The following NUAK1 variants were observed in gnomAD, a reference collection of about 807,000 sequenced individuals.
NUAK1 encodes NUAK family kinase 1.
NUAK1 carries 26 observed loss-of-function variants against 56.9 expected under a neutral mutation model. That is an observed-to-expected ratio of 0.46 (90% CI 0.33 to 0.63). The LOEUF is 0.63. Among genes scored for constraint, NUAK1 ranks in the 30% least tolerant of loss-of-function variants. The pLI, the probability that NUAK1 is intolerant of heterozygous loss-of-function variation, is 0.02. For synonymous variants in NUAK1, 337 were observed against 336.0 expected (o/e 1.00, Z -0.03); for missense variants, 727 against 876.1 (o/e 0.83, Z 2.15).
At chr12:106,068,002 T>G in intron 6 of NUAK1, 47 bp from the exon 7 acceptor site, 2 of 1,547,332 alleles carry the variant, frequency 1.3e-6, no homozygotes, top group Non-Finnish European at 1.7e-6. Flanking sequence ...TGGGAGCTTC[T>G]GGCTTTGTGA....
At chr12:106,111,902 T>TA (rs35552828) in intron 1 of NUAK1, among the ~76,000 whole-genome samples, 11,689 of 123,262 alleles carry the variant, frequency 0.095, 584 homozygotes, top group African/African-American at 0.12. Flanking sequence ...ACATAGCCTG[T>TA]AAAAAAAAAA....
intron 1 of NUAK1, among the ~76,000 whole-genome samples, chr12:106,136,873 T>G (rs2033134325): frequency 6.6e-6 from 1 of 152,220 alleles, no homozygotes; most frequent in Non-Finnish European, 1.5e-5. Flanking sequence ...CAGCCTCTTC[T>G]TCCACAAACC....
chr12:106,078,306 TAAATTCTCACAAC>T (rs983090832), intron 4 of NUAK1, among the ~76,000 whole-genome samples: 2 of 152,228 alleles, frequency 1.3e-5, no homozygotes, highest in African/African-American at 4.8e-5. Flanking sequence ...ATTGATGTAG[TAAATTCTCACAAC>T]AACCCTATCT....
intron 5 of NUAK1, among the ~76,000 whole-genome samples, chr12:106,071,142 G>T (rs939466405): frequency 5.3e-5 from 8 of 152,208 alleles, no homozygotes; most frequent in African/African-American, 1.9e-4. Context: ...AACTAGTAAA[G>T]AACTTTCTTA....
chr12:106,128,512 G>T (rs1435560478), intron 1 of NUAK1, among the ~76,000 whole-genome samples: 2 of 152,212 alleles, frequency 1.3e-5, no homozygotes, highest in Non-Finnish European at 2.9e-5. Context: ...ACCTCTGGCA[G>T]TTGGGGTGAA....
At chr12:106,076,571 C>T (rs572001040) in intron 4 of NUAK1, among the ~76,000 whole-genome samples, 2 of 152,284 alleles carry the variant, frequency 1.3e-5, no homozygotes, top group East Asian at 1.9e-4. Flanking sequence ...ACTCAAGGCT[C>T]GGGTCCTTAA....
intron 1 of NUAK1, among the ~76,000 whole-genome samples, chr12:106,117,180 C>A (rs2032926464): frequency 1.3e-5 from 2 of 152,170 alleles, no homozygotes; most frequent in Non-Finnish European, 2.9e-5. Flanking sequence ...GATACTTCAC[C>A]CTCTCCCATG....
At chr12:106,108,377 A>G (rs1385111443) in intron 1 of NUAK1, among the ~76,000 whole-genome samples, 2 of 152,194 alleles carry the variant, frequency 1.3e-5, no homozygotes, top group African/African-American at 4.8e-5. Flanking sequence ...GCTGGATAGA[A>G]GGAGGCTGCA....
intron 1 of NUAK1, among the ~76,000 whole-genome samples, chr12:106,119,903 G>A (rs1022062160): frequency 1.3e-5 from 2 of 152,154 alleles, no homozygotes; most frequent in Non-Finnish European, 1.5e-5. Flanking sequence ...TGTGCATCCC[G>A]ATGAGAAAGA....
chr12:106,063,435 C>T lies in NUAK1; in HGVS notation c.*3367G>A, dbSNP rs1334463434. The T allele has an allele frequency of 6.6e-6, 1 of 152,410 alleles. No homozygotes were observed. 9.4% of individuals were successfully genotyped at this position (152,410 alleles called of 1,614,324 possible). A position where few individuals can be genotyped will look rare whatever the true frequency, so the allele number is the denominator to read the frequency against. The stretch of plus-strand genomic sequence containing the variant: ...AATCAGTTTCCAACGAAAATACAAA[C>T]ACTTTGGGTGGTTATCCAGCTTGTT... On this transcript the variant is annotated 3_prime_UTR_variant, in exon 7 of 7. Transcript: ENST00000261402.
Position 106,110,494 on chromosome 12 carries a change from ACCT to A in NUAK1, c.241-3972_241-3970del, listed in dbSNP as rs143382467. Among the ~76,000 whole-genome samples, 1,318 of 152,050 alleles carry A rather than the reference ACCT, an allele frequency of 8.7e-3. 18 individuals carry two copies. The highest frequency in any genetic ancestry group is 0.03 in the African/African-American group (1,263 of 41,462). ...AGACATGCCCGGCATTGCGGAGGAA[ACCT>A]CCTCTCCAGTTTTCCTCAATTCTCA... On this transcript the variant is annotated intron_variant, in intron 1 of 6. Coordinates refer to ENST00000261402, the MANE Select transcript of NUAK1 (RefSeq NM_014840.3).
intron 4 of NUAK1, among the ~76,000 whole-genome samples, chr12:106,077,219 T>C (rs906793093): frequency 6.6e-6 from 1 of 152,232 alleles, no homozygotes; most frequent in African/African-American, 2.4e-5. Context: ...CAGGAGAACC[T>C]GGGGCTAATC....
intron 4 of NUAK1, among the ~76,000 whole-genome samples, chr12:106,075,333 A>C (rs1432543106): frequency 6.6e-6 from 1 of 151,804 alleles, no homozygotes; most frequent in African/African-American, 2.4e-5. Context: ...AGAGAGAGAG[A>C]GCGTTCTCAG....
At chr12:106,114,188 C>G (rs1452129978) in intron 1 of NUAK1, among the ~76,000 whole-genome samples, 2 of 152,182 alleles carry the variant, frequency 1.3e-5, no homozygotes, top group Non-Finnish European at 2.9e-5. Context: ...AGCATCTGAT[C>G]ACTCTGACAC....
chr12:106,119,971 C>T (rs984442846), intron 1 of NUAK1, among the ~76,000 whole-genome samples: 1 of 134,600 alleles, frequency 7.4e-6, no homozygotes, highest in Non-Finnish European at 1.7e-5. Flanking sequence ...GGGTGAGCTT[C>T]AATTATCTGG....
At chr12:106,121,282 T>C (rs1225685434) in intron 1 of NUAK1, among the ~76,000 whole-genome samples, 1 of 152,180 alleles carries the variant, frequency 6.6e-6, no homozygotes, top group Non-Finnish European at 1.5e-5. Context: ...CGGTACAAGA[T>C]AATGTATGTA....
In NUAK1 at chr12:106,138,623, C is replaced by T. The variant is rs2033153933; in HGVS notation, c.31G>A (p.Asp11Asn). The part of the protein sequence containing the change: MEGAAAPVAG[D>N]RPDLGLGAPG... ...GCCCCCAGCCCCAAGTCGGGGCGGT[C>T]CCCCGCCACAGGCGCGGCGGCCCCT... Residue 11 changes from aspartate to asparagine, a missense_variant, in exon 1 of 7, where the codon GAC becomes AAC. Coordinates refer to ENST00000261402, the MANE Select transcript of NUAK1 (RefSeq NM_014840.3). The surrounding 1 kb of genome is among the most constrained non-coding windows in gnomAD (Gnocchi z 5.0). The T allele has an allele frequency of 2.6e-6, 4 of 1,549,286 alleles. No individual in the cohort carries two copies. The African/African-American group carries it at 4.1e-5, about 16-fold the overall frequency.
intron 1 of NUAK1, among the ~76,000 whole-genome samples, chr12:106,109,250 A>G (rs1484111556): frequency 1.3e-5 from 2 of 152,224 alleles, no homozygotes; most frequent in Non-Finnish European, 2.9e-5. Context: ...ACTAATAGTA[A>G]TGGCCAGTAT....
chr12:106,116,604 TAGG>T (rs1335933631), intron 1 of NUAK1, among the ~76,000 whole-genome samples: 1 of 152,206 alleles, frequency 6.6e-6, no homozygotes, highest in Non-Finnish European at 1.5e-5. Flanking sequence ...CATAAATAAA[TAGG>T]AGGTCTGGGT....
Sources: allele counts gnomAD v4.1 joint callset (sites outside exome capture counted in the v4.1 genomes callset), GRCh38; gene constraint gnomAD v4.1.1; non-coding constraint Gnocchi (gnomAD v3.1); transcripts MANE v1.5; gene names NCBI Gene and HGNC (gene_info 2026-07-23, HGNC 2026-07-21).